The following PPM1H variants were observed in gnomAD, a reference collection of about 807,000 sequenced individuals.
The protein encoded by PPM1H is protein phosphatase 1H.
Under a neutral mutation model 54.9 loss-of-function variants are expected in PPM1H, and 27 were observed. The observed-to-expected ratio is 0.49, with a 90% CI of 0.36 to 0.68. The LOEUF (loss-of-function observed/expected upper bound fraction) is 0.68, where lower values mean the gene tolerates loss of function less well. Ranked by LOEUF, PPM1H falls within the 30% of genes least tolerant of loss-of-function variation. PPM1H has a pLI of 0.00. For missense variants in PPM1H, 596 were observed against 667.8 expected (o/e 0.89, Z 1.19); for synonymous variants, 305 against 270.8 (o/e 1.13, Z -1.24).
intron 1 of PPM1H, among the ~76,000 whole-genome samples, chr12:62,887,668 T>A (rs2121068255): frequency 6.6e-6 from 1 of 152,256 alleles, no homozygotes; most frequent in Non-Finnish European, 1.5e-5. Flanking sequence ...ATGAGCGAGG[T>A]GATTTCAAAT....
chr12:62,728,158 T>C (rs952542089), intron 5 of PPM1H, among the ~76,000 whole-genome samples: 1 of 152,158 alleles, frequency 6.6e-6, no homozygotes, highest in African/African-American at 2.4e-5. Flanking sequence ...GGAAAAAGCT[T>C]GATAACCTCT....
intron 6 of PPM1H, among the ~76,000 whole-genome samples, chr12:62,713,191 A>G (rs1219135684): frequency 1.3e-5 from 2 of 152,104 alleles, no homozygotes; most frequent in Non-Finnish European, 2.9e-5. Context: ...GTGCTTCTCC[A>G]CCCCAAGCCA....
chr12:62,664,557 A>G (rs1426434076), intron 9 of PPM1H, among the ~76,000 whole-genome samples: 1 of 152,090 alleles, frequency 6.6e-6, no homozygotes, highest in Non-Finnish European at 1.5e-5. Flanking sequence ...GTGAGCTAAC[A>G]CCCCTCCCTT....
At chr12:62,919,620 T>C (rs1438019209) in intron 1 of PPM1H, among the ~76,000 whole-genome samples, 1 of 152,236 alleles carries the variant, frequency 6.6e-6, no homozygotes, top group Non-Finnish European at 1.5e-5. Flanking sequence ...GCTTATTTAA[T>C]ACAGCTTGCT....
At chr12:62,695,936 C>T (rs1431715819) in intron 6 of PPM1H, among the ~76,000 whole-genome samples, 1 of 151,956 alleles carries the variant, frequency 6.6e-6, no homozygotes, top group South Asian at 2.1e-4. Context: ...GCAGTGGAGA[C>T]CAGATGTAGA....
chr12:62,838,920 CAAAAAAAAAAAA>C (rs71278269), intron 1 of PPM1H, among the ~76,000 whole-genome samples: 717 of 33,342 alleles, frequency 0.022, 27 homozygotes, highest in South Asian at 0.062. Flanking sequence ...GACTCCGTCT[CAAAAAAAAAAAA>C]AAAAAAAAAA....
intron 1 of PPM1H, among the ~76,000 whole-genome samples, chr12:62,929,261 G>A (rs1034853786): frequency 6.6e-6 from 1 of 152,140 alleles, no homozygotes; most frequent in African/African-American, 2.4e-5. Flanking sequence ...TGGGACCAAT[G>A]CTGGACACAT....
At chr12:62,795,509 C>A (rs576385487) in intron 3 of PPM1H, among the ~76,000 whole-genome samples, 1 of 151,564 alleles carries the variant, frequency 6.6e-6, no homozygotes, top group South Asian at 2.1e-4. Flanking sequence ...TGCAGTGGTG[C>A]GATCTCTGCT....
intron 1 of PPM1H, among the ~76,000 whole-genome samples, chr12:62,848,638 A>G (rs1172520055): frequency 6.6e-6 from 1 of 152,214 alleles, no homozygotes; most frequent in African/African-American, 2.4e-5. Flanking sequence ...GGGTTTACTG[A>G]TGATGACTGA....
chr12:62,672,344 A>G (rs375572618), intron 8 of PPM1H, among the ~76,000 whole-genome samples: 5 of 152,306 alleles, frequency 3.3e-5, no homozygotes. Flanking sequence ...ACAACAAAGG[A>G]GACAGGCAAC....
chr12:62,801,791 GC>G (rs761004716), intron 3 of PPM1H, 24 bp downstream of exon 3: 44 of 1,611,310 alleles, frequency 2.7e-5, no homozygotes, highest in Non-Finnish European at 3.5e-5. Flanking sequence ...TGGCCCTGCT[GC>G]CCCAGACTCC....
At chr12:62,671,979 C>A (rs12424931) in intron 8 of PPM1H, among the ~76,000 whole-genome samples, 17,345 of 152,152 alleles carry the variant, frequency 0.11, 1,129 homozygotes, top group East Asian at 0.27. Flanking sequence ...CTGTAATCAT[C>A]GATTTATGGC....
chr12:62,733,976 A>G (rs1240165349), intron 5 of PPM1H, among the ~76,000 whole-genome samples: 3 of 152,102 alleles, frequency 2.0e-5, no homozygotes, highest in African/African-American at 7.2e-5. Flanking sequence ...TATCTCCCCA[A>G]AACTCACATG....
rs2075779847 is a variant in PPM1H, at chr12:62,645,545, A to G, written c.*2944T>C. On this transcript the variant is annotated 3_prime_UTR_variant, in exon 10 of 10. Coordinates refer to ENST00000228705, the MANE Select transcript of PPM1H (RefSeq NM_020700.2). ...ACCCTCCACCTCTCTGACTGCTGAC[A>G]CTGGCTACAGGAATAAGGCTTTGGT... The G allele has an allele frequency of 1.3e-5, 2 of 152,510 alleles. No homozygotes were observed. Among genetic ancestry groups the G allele is most frequent in the Admixed American group, 1.3e-4 (2 of 15,304 alleles). The allele number at this position is 152,510 out of a possible 1,614,324, so 9.4% of individuals were successfully genotyped here.
chr12:62,720,018 T>C (rs747454165), intron 6 of PPM1H, among the ~76,000 whole-genome samples, 153 bp downstream of exon 6: 1 of 152,174 alleles, frequency 6.6e-6, no homozygotes, highest in African/African-American at 2.4e-5. Context: ...TAAGCAAACA[T>C]AGCAGAGGCA....
intron 8 of PPM1H, among the ~76,000 whole-genome samples, chr12:62,674,136 G>A (rs1162655408): frequency 6.6e-6 from 1 of 152,168 alleles, no homozygotes; most frequent in Non-Finnish European, 1.5e-5. Context: ...AAATAATGTG[G>A]AAGGGAACTG....
intron 9 of PPM1H, among the ~76,000 whole-genome samples, chr12:62,661,511 G>A (rs56332098): frequency 0.037 from 5,703 of 152,160 alleles, 149 homozygotes; most frequent in Non-Finnish European, 0.054. Context: ...AGAGATTCTC[G>A]TGCCTCAGCC....
chr12:62,933,341 CCAAG>C (rs770549816), intron 1 of PPM1H, among the ~76,000 whole-genome samples: 3 of 152,138 alleles, frequency 2.0e-5, no homozygotes, highest in Non-Finnish European at 4.4e-5. Context: ...GGGTCGGGAA[CCAAG>C]CCTGCCCCGG....
chr12:62,747,628 C>T (rs1430162728), intron 4 of PPM1H, among the ~76,000 whole-genome samples: 1 of 152,222 alleles, frequency 6.6e-6, no homozygotes, highest in East Asian at 1.9e-4. Flanking sequence ...ATGTAACCCT[C>T]AGAAAGCCTA....
Sources: allele counts gnomAD v4.1 joint callset (sites outside exome capture counted in the v4.1 genomes callset), GRCh38; gene constraint gnomAD v4.1.1; transcripts MANE v1.5; gene names NCBI Gene and HGNC (gene_info 2026-07-23, HGNC 2026-07-21).